The following ZNF653 variants were observed in gnomAD, a reference collection of about 807,000 sequenced individuals.
ZNF653 encodes zinc finger protein 653, also known as 67 kDa zinc finger protein.
A neutral mutation model predicts 59.9 loss-of-function variants in ZNF653; 37 were observed. The observed-to-expected ratio is 0.62, with a 90% CI of 0.48 to 0.81. ZNF653 has a LOEUF of 0.81. ZNF653 is among the 40% of genes least tolerant of loss of function. The pLI, the probability that ZNF653 is intolerant of heterozygous loss-of-function variation, is 0.00. For synonymous variants in ZNF653, 435 were observed against 371.8 expected (o/e 1.17, Z -1.96); for missense variants, 808 against 881.1 (o/e 0.92, Z 1.05).
intron 1 of ZNF653, chr19:11,500,690 G>A (rs1971634851): frequency 6.6e-6 from 1 of 152,196 alleles, no homozygotes; most frequent in South Asian, 2.1e-4. Flanking sequence ...CTGGAGGCTG[G>A]GAGTGTCACA....
intron 1 of ZNF653, among the ~76,000 whole-genome samples, chr19:11,498,887 G>C (rs1368913752): frequency 1.3e-5 from 2 of 151,648 alleles, no homozygotes; most frequent in African/African-American, 4.8e-5. Context: ...TGGGATTACA[G>C]ACTAATTTTG....
At chr19:11,504,471 C>T (rs1031103106) in intron 1 of ZNF653, 1 of 961,476 alleles carries the variant, frequency 1.0e-6, no homozygotes, top group Non-Finnish European at 1.2e-6. Flanking sequence ...ATCCCCTCTG[C>T]CCACCAGAAT....
intron 1 of ZNF653, among the ~76,000 whole-genome samples, chr19:11,502,499 C>A: frequency 6.6e-6 from 1 of 152,026 alleles, no homozygotes; most frequent in Admixed American, 6.6e-5. Context: ...CAATGTGTAC[C>A]CCATCCATTC....
At position 11,487,628 on chromosome 19, in the gene ZNF653, C is replaced by A; in HGVS notation, c.835G>T (p.Val279Leu). 6.2e-7 allele frequency: 1 copy of A among 1,613,868 alleles called. No homozygotes were observed. Among genetic ancestry groups the A allele is most frequent in the East Asian group, 2.2e-5 (1 of 44,878 alleles). The change falls in exon 4 of 9, where the codon GTG (valine) becomes TTG (leucine). Residue 279 changes from valine to leucine, a missense_variant. Physicochemically the swap from Val to Leu is conservative, Grantham distance 32. Coordinates refer to ENST00000293771, the MANE Select transcript of ZNF653 (RefSeq NM_138783.4). The surrounding 1 kb of genome is among the most constrained non-coding windows in gnomAD (Gnocchi z 5.1). ...GPEALETVVC[V>L]PVPVQVGAGP... ...GCACCCACTTGCACAGGCACCGGCACGCACACCACTGTCTCCAGGGCTTCA... is the reference window on the plus strand; with the variant it reads ...GCACCCACTTGCACAGGCACCGGCAAGCACACCACTGTCTCCAGGGCTTCA...
chr19:11,496,746 T>C (rs138594854), intron 2 of ZNF653, among the ~76,000 whole-genome samples: 65 of 152,334 alleles, frequency 4.3e-4, no homozygotes, highest in African/African-American at 1.5e-3. Context: ...GTATGCCTTT[T>C]GTCCCAGCTA....
chr19:11,492,744 G>A (rs1051470357), intron 3 of ZNF653, among the ~76,000 whole-genome samples: 2 of 152,150 alleles, frequency 1.3e-5, no homozygotes, highest in Non-Finnish European at 2.9e-5. Flanking sequence ...AGCCCCCAGT[G>A]CCGAGAAGGC....
Position 11,487,329 on chromosome 19 carries a change from C to T in ZNF653, c.1134G>A (p.Met378Ile). 6.2e-7 allele frequency: 1 copy of T among 1,613,760 alleles called. No individual in the cohort carries two copies. Among genetic ancestry groups the T allele is most frequent in the South Asian group, 1.1e-5 (1 of 91,074 alleles). ...TEPEGSQPST[M>I]DATAVAGIET... ...CGATGCCTGCTACTGCGGTGGCGTC[C>T]ATGGTGCTAGGCTGGCTACCCTCGG... Residue 378 changes from methionine to isoleucine, a missense_variant, in exon 4 of 9, where the codon ATG (methionine) becomes ATA (isoleucine). Met to Ile is a conservative substitution (Grantham distance 10). Transcript: ENST00000293771. This position sits in a 1 kb window ranked among gnomAD's most constrained non-coding sequence, Gnocchi z 5.1.
At chr19:11,502,323 C>T (rs1357713046) in intron 1 of ZNF653, among the ~76,000 whole-genome samples, 1 of 149,792 alleles carries the variant, frequency 6.7e-6, no homozygotes, top group Admixed American at 6.7e-5. Context: ...AATTCCTGAC[C>T]TCAAGAGATC....
At chr19:11,484,599 C>T (rs549977714) in intron 7 of ZNF653, among the ~76,000 whole-genome samples, 3 of 151,764 alleles carry the variant, frequency 2.0e-5, no homozygotes, top group Admixed American at 2.0e-4. Context: ...TTAGTAGAGA[C>T]GGGGTTTCTC....
At chr19:11,503,337 T>G (rs543093380) in intron 1 of ZNF653, among the ~76,000 whole-genome samples, 23 of 152,348 alleles carry the variant, frequency 1.5e-4, no homozygotes, top group African/African-American at 5.1e-4. Context: ...TCCCCAGAGA[T>G]CTGCATGGCT....
chr19:11,484,223 G>T, intron 7 of ZNF653, 82 bp from the exon 8 acceptor site: 1 of 1,112,088 alleles, frequency 9.0e-7, no homozygotes, highest in Non-Finnish European at 1.3e-6. Flanking sequence ...GCTAGAAGGA[G>T]CATCAGGCTG....
intron 3 of ZNF653, among the ~76,000 whole-genome samples, chr19:11,488,275 G>A (rs927986620): frequency 5.9e-5 from 9 of 151,378 alleles, no homozygotes; most frequent in Admixed American, 3.3e-4. Context: ...TCAGCCTCCC[G>A]AGTAGCTGGG....
In ZNF653 at chr19:11,487,978, T is replaced by TTTATTTA. The variant is rs1555736351; in HGVS notation, c.560-76_560-75insTAAATAA. 5.2e-5 allele frequency: 59 copies of TTTATTTA among 1,134,928 alleles called. No individual in the cohort carries two copies. In the African/African-American group the frequency reaches 1.1e-3, roughly 22 times the overall value. The allele number at this position is 1,134,928 out of a possible 1,614,324, so 70.3% of individuals were successfully genotyped here. ...ATTTGTTTATTTAGTTTTTATTTTA[T>TTTATTTA]TTTATTTATTTATTTATTTATTTTT... On this transcript the variant is annotated intron_variant, in intron 3 of 8. Coordinates refer to ENST00000293771, the MANE Select transcript of ZNF653 (RefSeq NM_138783.4). The surrounding 1 kb of genome is among the most constrained non-coding windows in gnomAD (Gnocchi z 5.1).
chr19:11,487,499 T>C lies in ZNF653; in HGVS notation c.964A>G (p.Ile322Val), dbSNP rs1427211708. The C allele has an allele frequency of 1.9e-6, 3 of 1,613,682 alleles. No homozygotes were observed. The highest frequency in any genetic ancestry group is 8.5e-7 in the Non-Finnish European group (1 of 1,179,918). ...GMVPGSQVII[I>V]AGPGYDALTA... The stretch of plus-strand genomic sequence containing the variant: ...AGAGCGTCGTAACCAGGGCCCGCAA[T>C]GATGATCACCTGTGAGCCGGGCACC... Residue 322 changes from isoleucine (I) to valine (V), a missense_variant, in exon 4 of 9, where the codon ATT becomes GTT. Coordinates refer to ENST00000293771, the MANE Select transcript of ZNF653 (RefSeq NM_138783.4). The surrounding 1 kb of genome is among the most constrained non-coding windows in gnomAD (Gnocchi z 5.1).
At chr19:11,486,503 TTAAC>T (rs1303083213) in intron 6 of ZNF653, among the ~76,000 whole-genome samples, 11 of 152,340 alleles carry the variant, frequency 7.2e-5, no homozygotes, top group African/African-American at 2.6e-4. Context: ...CCTTCACTCT[TTAAC>T]TTACTAGAAC....
intron 7 of ZNF653, among the ~76,000 whole-genome samples, 185 bp downstream of exon 7, chr19:11,485,471 T>C (rs1971455900): frequency 6.6e-6 from 1 of 151,874 alleles, no homozygotes; most frequent in Non-Finnish European, 1.5e-5. Context: ...GATTGATTGG[T>C]AATAGTTCCT....
intron 3 of ZNF653, among the ~76,000 whole-genome samples, chr19:11,489,827 C>T (rs1971511611): frequency 6.6e-6 from 1 of 152,224 alleles, no homozygotes; most frequent in South Asian, 2.1e-4. Flanking sequence ...TGGGCCCTTC[C>T]TGGTGGCTCC....
intron 1 of ZNF653, among the ~76,000 whole-genome samples, chr19:11,504,100 G>C (rs1187367144): frequency 1.3e-5 from 2 of 151,910 alleles, no homozygotes; most frequent in Non-Finnish European, 2.9e-5. Flanking sequence ...GTGAGACCCT[G>C]TCTCAAAAAG....
rs1555737004 is a variant in ZNF653, at chr19:11,494,381, A to ACATAAAACAT, written c.559+1568_559+1569insATGTTTTATG. Among the ~76,000 whole-genome samples, 344 of 132,912 alleles carry ACATAAAACAT rather than the reference A, an allele frequency of 2.6e-3. 2 individuals carry two copies. Among genetic ancestry groups the ACATAAAACAT allele is most frequent in the African/African-American group, 7.3e-3 (236 of 32,520 alleles). 87.2% of individuals were successfully genotyped at this position (132,912 alleles called of 152,430 possible). A position where few individuals can be genotyped will look rare whatever the true frequency, so the allele number is the denominator to read the frequency against. Reference sequence around the variant, plus strand: ...ACATAACATAACATAACATAACATAAAACATAACATAACATAACATAACAT... The same window carrying ACATAAAACAT: ...ACATAACATAACATAACATAACATAACATAAAACATAACATAACATAACATAACATAACAT... On this transcript the variant is annotated intron_variant, in intron 3 of 8. Coordinates refer to ENST00000293771, the MANE Select transcript of ZNF653 (RefSeq NM_138783.4).
Sources: gnomAD v4.1 joint callset for allele counts (sites outside exome capture counted in the v4.1 genomes callset) on GRCh38, gnomAD v4.1.1 for gene constraint, Gnocchi (gnomAD v3.1) non-coding constraint, MANE v1.5 for transcripts, NCBI Gene and HGNC (gene_info 2026-07-23, HGNC 2026-07-21) for gene names.